PRKD1: variants seen among roughly 807,000 people sequenced by gnomAD.
The protein encoded by PRKD1 is serine/threonine-protein kinase D1.
Under a neutral mutation model 95.9 loss-of-function variants are expected in PRKD1, and 63 were observed. The observed-to-expected ratio is 0.66, with a 90% CI of 0.54 to 0.81. The LOEUF is 0.81. Among genes scored for constraint, PRKD1 ranks in the 30% least tolerant of loss-of-function variants. The pLI is 0.00. For missense variants in PRKD1, 1,048 were observed against 1,165.3 expected (o/e 0.90, Z 1.47); for synonymous variants, 425 against 423.1 (o/e 1.00, Z -0.05).
chr14:29,895,240 C>T (rs1057026606), intron 1 of PRKD1, among the ~76,000 whole-genome samples: 5 of 152,082 alleles, frequency 3.3e-5, no homozygotes, highest in Non-Finnish European at 5.9e-5. Context: ...TCGCTTGAAC[C>T]CGGGAGGCAG....
At chr14:29,914,595 G>C (rs1313830749) in intron 1 of PRKD1, among the ~76,000 whole-genome samples, 1 of 152,028 alleles carries the variant, frequency 6.6e-6, no homozygotes, top group Admixed American at 6.5e-5. Flanking sequence ...TTAGCTAGGC[G>C]TGGTGGCACA....
intron 1 of PRKD1, among the ~76,000 whole-genome samples, chr14:29,751,879 A>G (rs1372127884): frequency 1.3e-5 from 2 of 152,214 alleles, no homozygotes; most frequent in African/African-American, 4.8e-5. Flanking sequence ...AAAACCTGAC[A>G]CTACTACGTA....
chr14:29,608,810 C>T (rs576066614), intron 13 of PRKD1, among the ~76,000 whole-genome samples: 108 of 152,234 alleles, frequency 7.1e-4, no homozygotes, highest in Non-Finnish European at 1.4e-3. Flanking sequence ...AACATGTCCC[C>T]GTTTCATCTT....
chr14:29,636,304 G>A lies in PRKD1; in HGVS notation c.1176C>T (p.Ala392=), dbSNP rs753076952. The A allele has an allele frequency of 1.2e-5, 20 of 1,614,086 alleles. No individual in the cohort carries two copies. Among genetic ancestry groups the A allele is most frequent in the Non-Finnish European group, 1.6e-5 (19 of 1,180,038 alleles). Residue 392 remains alanine (A), a synonymous_variant, in exon 7 of 18, where the codon GCC becomes GCT. Coordinates refer to ENST00000331968, the MANE Select transcript of PRKD1 (RefSeq NM_002742.3). ...MQDPDPDHED[A]NRTISPSTSN... The stretch of plus-strand genomic sequence containing the variant: ...GCTGCTCTCACCTGATGGTTCTGTT[G>A]GCGTCCTCGTGGTCTGGGTCTGGAT...
chr14:29,687,560 G>T (rs1014178476), intron 2 of PRKD1, among the ~76,000 whole-genome samples: 2 of 152,298 alleles, frequency 1.3e-5, no homozygotes, highest in Admixed American at 6.5e-5. Context: ...TGTCTGGAAG[G>T]GGGGCCTGAA....
chr14:29,705,321 T>C (rs1394445412), intron 2 of PRKD1, among the ~76,000 whole-genome samples: 1 of 152,044 alleles, frequency 6.6e-6, no homozygotes, highest in Non-Finnish European at 1.5e-5. Context: ...GCAAAAGTAA[T>C]TGCGGTTTTT....
intron 1 of PRKD1, among the ~76,000 whole-genome samples, chr14:29,902,186 G>A (rs1402106985): frequency 2.6e-5 from 4 of 151,750 alleles, no homozygotes; most frequent in Admixed American, 6.6e-5. Flanking sequence ...TTGAACCCGG[G>A]AGGCAGAGGT....
chr14:29,697,160 T>C (rs1335429139), intron 2 of PRKD1, among the ~76,000 whole-genome samples: 1 of 128,804 alleles, frequency 7.8e-6, no homozygotes, highest in Non-Finnish European at 1.7e-5. Context: ...TGTCAAAACA[T>C]AGTAAAAAAA....
intron 1 of PRKD1, among the ~76,000 whole-genome samples, chr14:29,760,802 G>A (rs756686334): frequency 1.4e-4 from 22 of 152,088 alleles, no homozygotes; most frequent in Non-Finnish European, 2.8e-4. Flanking sequence ...AAACACATTT[G>A]CCTTGATAAT....
intron 1 of PRKD1, among the ~76,000 whole-genome samples, chr14:29,754,664 T>G (rs1222633662): frequency 1.3e-5 from 2 of 152,110 alleles, no homozygotes; most frequent in Non-Finnish European, 2.9e-5. Context: ...AAGTCCTTTA[T>G]TCAATCTCTT....
chr14:29,723,457 G>A (rs185642328), intron 2 of PRKD1, among the ~76,000 whole-genome samples: 39 of 152,204 alleles, frequency 2.6e-4, no homozygotes, highest in Admixed American at 2.3e-3. Flanking sequence ...AATAGACTCA[G>A]GGCCTAAAAA....
chr14:29,682,423 C>A (rs1883589192), intron 2 of PRKD1, among the ~76,000 whole-genome samples: 1 of 152,194 alleles, frequency 6.6e-6, no homozygotes, highest in African/African-American at 2.4e-5. Context: ...GTCTCATTAA[C>A]ATAATTTTAT....
intron 1 of PRKD1, among the ~76,000 whole-genome samples, chr14:29,865,954 T>C (rs1325126093): frequency 2.0e-5 from 3 of 152,198 alleles, no homozygotes; most frequent in Non-Finnish European, 2.9e-5. Context: ...GTTTATAAGA[T>C]ATTTTTTAAC....
At chr14:29,718,816 C>T (rs1340233294) in intron 2 of PRKD1, among the ~76,000 whole-genome samples, 1 of 152,048 alleles carries the variant, frequency 6.6e-6, no homozygotes, top group Non-Finnish European at 1.5e-5. Context: ...GAAGGTGTTG[C>T]CCACAATTAA....
intron 1 of PRKD1, among the ~76,000 whole-genome samples, chr14:29,845,573 T>C (rs755547112): frequency 3.3e-5 from 5 of 152,168 alleles, no homozygotes; most frequent in Non-Finnish European, 5.9e-5. Flanking sequence ...AGATGGCATA[T>C]AATTTTAATA....
chr14:29,872,206 G>A (rs149893427), intron 1 of PRKD1, among the ~76,000 whole-genome samples: 1 of 152,282 alleles, frequency 6.6e-6, no homozygotes, highest in East Asian at 1.9e-4. Flanking sequence ...TGTTTCAGGA[G>A]AGGAAATTCA....
At chr14:29,673,424 G>A (rs1041245024) in intron 2 of PRKD1, among the ~76,000 whole-genome samples, 1 of 152,136 alleles carries the variant, frequency 6.6e-6, no homozygotes, top group Admixed American at 6.5e-5. Context: ...AGGCAGCCAG[G>A]TTCCACCTGA....
At chr14:29,862,813 G>A (rs1566642610) in intron 1 of PRKD1, among the ~76,000 whole-genome samples, 1 of 151,844 alleles carries the variant, frequency 6.6e-6, no homozygotes, top group Non-Finnish European at 1.5e-5. Context: ...CTATTCTGTG[G>A]GTTGTCTCTT....
intron 1 of PRKD1, among the ~76,000 whole-genome samples, chr14:29,770,091 T>C (rs1288415073): frequency 6.6e-6 from 1 of 152,200 alleles, no homozygotes; most frequent in African/African-American, 2.4e-5. Context: ...GCGCCACCTA[T>C]GAAGCAGAGA....
Sources: gnomAD v4.1 joint callset for allele counts (sites outside exome capture counted in the v4.1 genomes callset) on GRCh38, gnomAD v4.1.1 for gene constraint, MANE v1.5 for transcripts, NCBI Gene and HGNC (gene_info 2026-07-23, HGNC 2026-07-21) for gene names.